The following SLC11A2 variants were observed in gnomAD, a reference collection of about 807,000 sequenced individuals.
SLC11A2 encodes solute carrier family 11 member 2.
SLC11A2 carries 38 observed loss-of-function variants against 68.0 expected under a neutral mutation model. The ratio of observed to expected loss-of-function variants is 0.56; its 90% confidence interval spans 0.43 to 0.73. The LOEUF (loss-of-function observed/expected upper bound fraction) is 0.73, where lower values mean the gene tolerates loss of function less well. Ranked by LOEUF, SLC11A2 falls within the 30% of genes least tolerant of loss-of-function variation. SLC11A2 has a pLI of 0.00. For synonymous variants in SLC11A2, 242 were observed against 250.6 expected (o/e 0.97, Z 0.32); for missense variants, 517 against 690.5 (o/e 0.75, Z 2.82).
In SLC11A2 at chr12:50,999,346, A is replaced by G. The variant is rs749327552; in HGVS notation, c.606T>C (p.Tyr202=). The change falls in exon 7 of 16, where the codon TAT becomes TAC. Residue 202 remains tyrosine (Y), a splice_region_variant and synonymous_variant. Coordinates refer to ENST00000262052, the MANE Select transcript of SLC11A2 (RefSeq NM_000617.3). The stretch of plus-strand genomic sequence containing the variant: ...CCCTCCCATTCCCGCTCTCCTTACC[A>G]TATTTGTCCAAGAAGAGAAATACAA... The part of the protein sequence containing the change: ...DTFVFLFLDK[Y]GLRKLEAFFG... 7 of 1,613,456 alleles carry G rather than the reference A, an allele frequency of 4.3e-6. No individual in the cohort carries two copies. The highest frequency in any genetic ancestry group is 1.7e-5 in the Admixed American group (1 of 59,984).
At chr12:50,985,608 T>C (rs1940464424), downstream of SLC11A2, among the ~76,000 whole-genome samples, 1 of 152,210 alleles carries the variant, frequency 6.6e-6, no homozygotes, top group African/African-American at 2.4e-5. Flanking sequence ...CTTCAAATAC[T>C]AATTTTTCAT....
intron 1 of SLC11A2, among the ~76,000 whole-genome samples, chr12:51,017,301 T>A (rs1943732145): frequency 6.6e-6 from 1 of 152,194 alleles, no homozygotes; most frequent in African/African-American, 2.4e-5. Context: ...GCAACCACTA[T>A]AAATAAGACG....
chr12:50,958,646 C>T, the SLC11A2 span, among the ~76,000 whole-genome samples: 1 of 152,012 alleles, frequency 6.6e-6, no homozygotes, highest in Non-Finnish European at 1.5e-5. Context: ...TTAAGGCTTA[C>T]TATATTGCTA....
intron 3 of SLC11A2, 110 bp from the exon 4 acceptor site, chr12:51,005,546 G>T (rs1333185041): frequency 6.4e-7 from 1 of 1,557,172 alleles, no homozygotes; most frequent in Non-Finnish European, 8.7e-7. Context: ...AAGAAAAAAG[G>T]ATTTACAATG....
Position 50,992,208 on chromosome 12 carries a change from A to G in SLC11A2, c.1329T>C (p.Asn443=), listed in dbSNP as rs1183219867. 1 of 1,614,110 alleles carries G rather than the reference A, an allele frequency of 6.2e-7. No individual in the cohort carries two copies. The highest frequency in any genetic ancestry group is 1.7e-5 in the Admixed American group (1 of 60,012). The change falls in exon 13 of 16, where the codon AAT becomes AAC. Residue 443 remains asparagine (N), a synonymous_variant. Coordinates refer to ENST00000262052, the MANE Select transcript of SLC11A2 (RefSeq NM_000617.3). ...EHLTGMNDFL[N]VLQSLQLPFA... ...TCCTCACCTGTAAGCTCTGTAGAACATTCAGAAAGTCATTCATCCCTGTTA... is the reference window on the plus strand; with the variant it reads ...TCCTCACCTGTAAGCTCTGTAGAACGTTCAGAAAGTCATTCATCCCTGTTA...
At chr12:50,989,947 G>T (rs1940979063) in intron 15 of SLC11A2, among the ~76,000 whole-genome samples, 1 of 152,120 alleles carries the variant, frequency 6.6e-6, no homozygotes, top group Admixed American at 6.5e-5. Flanking sequence ...GTATAGAACA[G>T]GGAAATGGAT....
At chr12:50,953,257 C>T in the SLC11A2 span, among the ~76,000 whole-genome samples, 1 of 152,218 alleles carries the variant, frequency 6.6e-6, no homozygotes, top group Non-Finnish European at 1.5e-5. Flanking sequence ...GGGTGTGCCA[C>T]AGGTATTGTG....
intron 1 of SLC11A2, among the ~76,000 whole-genome samples, chr12:51,019,790 G>T (rs1022259217): frequency 1.3e-5 from 2 of 150,528 alleles, no homozygotes; most frequent in Non-Finnish European, 3.0e-5. Context: ...TGGGACTAGA[G>T]GCGTGTGCCA....
downstream of SLC11A2, chr12:50,980,228 C>G (rs1181181509): frequency 2.2e-5 from 5 of 229,874 alleles, no homozygotes; most frequent in Admixed American, 2.5e-4. Context: ...CCTGTCTTAA[C>G]AACAAAAAAC....
At chr12:50,970,463 A>T in the SLC11A2 span, 1 of 1,521,806 alleles carries the variant, frequency 6.6e-7, no homozygotes, top group Non-Finnish European at 8.9e-7. Flanking sequence ...TCTATGTATA[A>T]GGATTACATT....
the SLC11A2 span, among the ~76,000 whole-genome samples, chr12:50,968,134 G>C: frequency 4.9e-3 from 749 of 151,466 alleles, 8 homozygotes; most frequent in Non-Finnish European, 8.9e-3. Context: ...AGGAGAATGA[G>C]GAGGAGGAGG....
the SLC11A2 span, among the ~76,000 whole-genome samples, chr12:50,969,256 T>C: frequency 4.6e-5 from 7 of 152,066 alleles, no homozygotes; most frequent in South Asian, 1.0e-3. Flanking sequence ...ATCACCCCAC[T>C]GCACTCCAGC....
chr12:50,960,868 T>A, the SLC11A2 span: 1 of 987,346 alleles, frequency 1.0e-6, no homozygotes, highest in Non-Finnish European at 1.4e-6. Context: ...TTTTTAGAGA[T>A]GGGGTCTTGC....
intron 8 of SLC11A2, among the ~76,000 whole-genome samples, 194 bp from the exon 9 acceptor site, chr12:50,997,166 C>T (rs796304070): frequency 2.2e-4 from 34 of 152,246 alleles, no homozygotes; most frequent in African/African-American, 7.5e-4. Context: ...AAACCTCAAT[C>T]TCCCAAGAAC....
downstream of SLC11A2, chr12:50,980,207 C>A (rs1370434815): frequency 3.6e-6 from 1 of 281,110 alleles, no homozygotes; most frequent in Non-Finnish European, 7.1e-6. Context: ...GCCTGGGCAA[C>A]AGAGCAAGAC....
At chr12:50,998,183 C>A (rs962907014) in intron 8 of SLC11A2, among the ~76,000 whole-genome samples, 1 of 151,558 alleles carries the variant, frequency 6.6e-6, no homozygotes, top group Non-Finnish European at 1.5e-5. Flanking sequence ...CATAGAGAAA[C>A]CCCATCTCTA....
At chr12:50,958,025 C>T in the SLC11A2 span, among the ~76,000 whole-genome samples, 6 of 147,810 alleles carry the variant, frequency 4.1e-5, no homozygotes, top group Non-Finnish European at 7.4e-5. Flanking sequence ...AGGCTGGTCC[C>T]GAACTTCTGA....
intron 1 of SLC11A2, among the ~76,000 whole-genome samples, chr12:51,012,366 A>G (rs1218301491): frequency 6.6e-6 from 1 of 152,110 alleles, no homozygotes; most frequent in Non-Finnish European, 1.5e-5. Flanking sequence ...AAAATGTTTC[A>G]ATCTTCTTAT....
chr12:51,027,175 T>TAA (rs35801453), upstream of SLC11A2, among the ~76,000 whole-genome samples: 284 of 141,870 alleles, frequency 2.0e-3, 4 homozygotes, highest in African/African-American at 6.9e-3. Context: ...AAACTCCGTC[T>TAA]AAAAAAAAAA....
Sources: gnomAD v4.1 joint callset for allele counts (sites outside exome capture counted in the v4.1 genomes callset) on GRCh38, gnomAD v4.1.1 for gene constraint, MANE v1.5 for transcripts, NCBI Gene and HGNC (gene_info 2026-07-23, HGNC 2026-07-21) for gene names.